TTC28: variants seen among roughly 807,000 people sequenced by gnomAD.
TTC28 encodes the protein tetratricopeptide repeat domain 28, also known as tetratricopeptide repeat protein 28.
Under a neutral mutation model 198.0 loss-of-function variants are expected in TTC28, and 61 were observed. The observed-to-expected ratio is 0.31, with a 90% CI of 0.25 to 0.38. The LOEUF (loss-of-function observed/expected upper bound fraction) is 0.38, where lower values mean the gene tolerates loss of function less well. Ranked by LOEUF, TTC28 falls within the 10% of genes least tolerant of loss-of-function variation. The pLI, the probability that TTC28 is intolerant of heterozygous loss-of-function variation, is 1.00. For missense variants in TTC28, 2,678 were observed against 3,164.0 expected, an observed-to-expected ratio of 0.85 and a Z score of 3.69; for synonymous variants, 1,171 against 1,297.8, an observed-to-expected ratio of 0.90 and a Z score of 2.10.
At chr22:28,442,506 T>C (rs142926611) in intron 2 of TTC28, among the ~76,000 whole-genome samples, 2,207 of 152,316 alleles carry the variant, frequency 0.014, 32 homozygotes, top group Non-Finnish European at 0.02. Flanking sequence ...CTGCGGGGCC[T>C]GTGTCAGGGG....
In TTC28 at chr22:27,980,135, G is replaced by C. The variant is rs546433745; in HGVS notation, c.*2086C>G. The C allele has an allele frequency of 6.6e-6, 1 of 152,212 alleles. No homozygotes were observed. Among genetic ancestry groups the C allele is most frequent in the African/African-American group, 2.4e-5 (1 of 41,448 alleles). 9.4% of individuals were successfully genotyped at this position (152,212 alleles called of 1,614,324 possible). A position where few individuals can be genotyped will look rare whatever the true frequency, so the allele number is the denominator to read the frequency against. On this transcript the variant is annotated 3_prime_UTR_variant, in exon 23 of 23. Transcript: ENST00000397906. ...TCCTTGGCACTTGGGAAAGAAGGAG[G>C]CTGAGAGATTTGCTAAGAGAGGGAC... is the stretch of plus-strand genomic sequence containing the variant.
intron 2 of TTC28, among the ~76,000 whole-genome samples, chr22:28,481,576 G>A (rs1414376872): frequency 6.6e-6 from 1 of 152,074 alleles, no homozygotes; most frequent in Non-Finnish European, 1.5e-5. Flanking sequence ...GTCTTCATAT[G>A]ACAATCATTG....
At chr22:28,256,755 T>A (rs143066339) in intron 5 of TTC28, among the ~76,000 whole-genome samples, 5 of 152,100 alleles carry the variant, frequency 3.3e-5, no homozygotes, top group South Asian at 2.1e-4. Flanking sequence ...AACAGACACA[T>A]AAGACTGGGC....
In TTC28 at chr22:27,978,959, G is replaced by A. The variant is rs1482908763; in HGVS notation, c.*3262C>T. On this transcript the variant is annotated 3_prime_UTR_variant, in exon 23 of 23. Transcript: ENST00000397906. ...ATGCAATGCTTTCTGCAAATGGTAA[G>A]GAAAAAATTGTTTTGTAAATATTAC... 6.6e-6 allele frequency: 1 copy of A among 152,138 alleles called. No individual in the cohort carries two copies. Among genetic ancestry groups the A allele is most frequent in the Non-Finnish European group, 1.5e-5 (1 of 68,038 alleles). The allele number at this position is 152,138 out of a possible 1,614,324, so 9.4% of individuals were successfully genotyped here.
At chr22:28,663,140 C>G (rs150939928) in intron 1 of TTC28, among the ~76,000 whole-genome samples, 1 of 150,758 alleles carries the variant, frequency 6.6e-6, no homozygotes, top group East Asian at 1.9e-4. Flanking sequence ...CCCAGCTACT[C>G]GGAAGGCTGA....
intron 5 of TTC28, among the ~76,000 whole-genome samples, chr22:28,235,082 G>A (rs1042129661): frequency 6.6e-6 from 1 of 152,188 alleles, no homozygotes; most frequent in East Asian, 1.9e-4. Context: ...GTTGGGAAAT[G>A]AAAGCCCAAA....
rs756778012 is a variant in TTC28 at position 27,998,990 on chromosome 22, C to G, written c.4669G>C (p.Val1557Leu). Reference protein sequence around the residue: ...THISWKLSALVLTPSMDGNPA... With the variant: ...THISWKLSALLLTPSMDGNPA... Reference sequence around the variant, plus strand: ...TTGCCGTCCATGCTGGGCGTGAGGACCAAGGCCGACAGCTTCCAGGAGATG... The same window carrying G: ...TTGCCGTCCATGCTGGGCGTGAGGAGCAAGGCCGACAGCTTCCAGGAGATG... The change falls in exon 16 of 23, where the codon GTC becomes CTC. Residue 1557 changes from valine to leucine, a missense_variant. Val to Leu is a conservative substitution (Grantham distance 32). Around this residue, in one of 8 missense-constraint regions of TTC28, gnomAD observed 727 missense variants for 861.9 expected, o/e 0.84. Transcript: ENST00000397906. 128 of 1,550,552 alleles carry G rather than the reference C, an allele frequency of 8.3e-5. No homozygotes were observed. Among genetic ancestry groups the G allele is most frequent in the Non-Finnish European group, 1.7e-5 (19 of 1,147,000 alleles).
chr22:28,272,717 G>A (rs772678018), intron 5 of TTC28, among the ~76,000 whole-genome samples: 1 of 152,078 alleles, frequency 6.6e-6, no homozygotes, highest in Non-Finnish European at 1.5e-5. Context: ...GGGATGGAAG[G>A]GACCAAATCC....
chr22:28,469,225 C>G (rs1043004258), intron 2 of TTC28, among the ~76,000 whole-genome samples: 3 of 152,146 alleles, frequency 2.0e-5, no homozygotes, highest in Non-Finnish European at 4.4e-5. Context: ...CCGAAGTATT[C>G]TCTTGTGAAC....
At chr22:28,527,333 T>C (rs2049022364) in intron 2 of TTC28, among the ~76,000 whole-genome samples, 1 of 152,130 alleles carries the variant, frequency 6.6e-6, no homozygotes, top group South Asian at 2.1e-4. Flanking sequence ...CATACCGAAA[T>C]GAACACCACA....
intron 5 of TTC28, among the ~76,000 whole-genome samples, chr22:28,247,457 G>A (rs1038555977): frequency 6.6e-6 from 1 of 152,160 alleles, no homozygotes; most frequent in Admixed American, 6.5e-5. Context: ...GCACTGGGCT[G>A]GGCACCCAAG....
intron 2 of TTC28, among the ~76,000 whole-genome samples, chr22:28,379,715 C>T (rs909078105): frequency 6.6e-6 from 1 of 152,220 alleles, no homozygotes; most frequent in African/African-American, 2.4e-5. Flanking sequence ...AATGTGAATA[C>T]ATTTAACACT....
rs549157112 is a variant in TTC28 at position 28,405,345 on chromosome 22, C to T, written c.382-98702G>A. Among the ~76,000 whole-genome samples, 7 of 152,274 alleles carry T rather than the reference C, an allele frequency of 4.6e-5. No homozygotes were observed. The South Asian group carries it at 1.5e-3, about 32-fold the overall frequency. On this transcript the variant is annotated intron_variant, in intron 2 of 22. Coordinates refer to ENST00000397906, the MANE Select transcript of TTC28 (RefSeq NM_001145418.2). ...CATTCACTCAACAAATATTCCTGAG[C>T]AAACCACAATGTGCAAATGATTGCA...
intron 6 of TTC28, among the ~76,000 whole-genome samples, chr22:28,154,507 C>T (rs552061719): frequency 3.0e-4 from 45 of 152,062 alleles, no homozygotes; most frequent in Non-Finnish European, 5.3e-4. Flanking sequence ...CCTGCCGCCA[C>T]GCCCAGCTAA....
intron 2 of TTC28, among the ~76,000 whole-genome samples, chr22:28,474,828 A>T (rs1404811719): frequency 6.6e-6 from 1 of 152,204 alleles, no homozygotes; most frequent in Admixed American, 6.5e-5. Flanking sequence ...AGTAAGAATG[A>T]CAGATGTTTT....
chr22:28,597,233 T>G (rs1429023165), intron 2 of TTC28, among the ~76,000 whole-genome samples: 1 of 152,206 alleles, frequency 6.6e-6, no homozygotes, highest in Non-Finnish European at 1.5e-5. Flanking sequence ...TTTTAAAGAT[T>G]CAGTTTAGTG....
At chr22:28,257,739 CATATATATATATATATATATAT>C (rs66590909) in intron 5 of TTC28, among the ~76,000 whole-genome samples, 34,302 of 96,808 alleles carry the variant, frequency 0.35, 6,390 homozygotes, top group Admixed American at 0.45. Flanking sequence ...GGTAATAGAA[CATATATATATATATATATATAT>C]ATATATATAT....
intron 5 of TTC28, among the ~76,000 whole-genome samples, chr22:28,178,172 G>A (rs1045382322): frequency 1.8e-4 from 28 of 151,702 alleles, no homozygotes; most frequent in Admixed American, 1.3e-3. Context: ...AAAGTATATC[G>A]GGCCGGGCAC....
At chr22:27,990,080 ATTC>A (rs1470690934) in intron 20 of TTC28, 73 bp from the exon 21 acceptor site, 1 of 1,499,650 alleles carries the variant, frequency 6.7e-7, no homozygotes, top group East Asian at 2.5e-5. Context: ...TCGACCCATT[ATTC>A]TTATGTCACC....
Sources: allele counts gnomAD v4.1 joint callset (sites outside exome capture counted in the v4.1 genomes callset), GRCh38; gene constraint gnomAD v4.1.1; regional missense constraint gnomAD v4.1.1; transcripts MANE v1.5; gene names NCBI Gene and HGNC (gene_info 2026-07-23, HGNC 2026-07-21).